SMC2: variants seen among roughly 807,000 people sequenced by gnomAD.
SMC2 encodes structural maintenance of chromosomes protein 2.
In SMC2, 41 loss-of-function variants were observed where a neutral mutation model predicts 142.6. The ratio of observed to expected loss-of-function variants is 0.29; its 90% CI spans 0.22 to 0.37. The LOEUF (loss-of-function observed/expected upper bound fraction) is 0.37, where lower values mean the gene tolerates loss of function less well. Ranked by LOEUF, SMC2 falls within the 10% of genes least tolerant of loss-of-function variation. The pLI is 1.00. For synonymous variants in SMC2, 463 were observed against 457.5 expected (o/e 1.01, Z -0.15); for missense variants, 1,265 against 1,373.7 (o/e 0.92, Z 1.25).
chr9:104,135,268 T>C lies in SMC2; in HGVS notation c.3269+693T>C, dbSNP rs141205446. Among the ~76,000 whole-genome samples, 23 of 151,432 alleles carry C rather than the reference T, an allele frequency of 1.5e-4. No individual in the cohort carries two copies. The East Asian group carries it at 4.3e-3, about 28-fold the overall frequency. ...GAAAACATGAACATAATGAGAGAAATAGAAGCTACTAAAAAGAATTAAGTG... is the reference window on the plus strand; with the variant it reads ...GAAAACATGAACATAATGAGAGAAACAGAAGCTACTAAAAAGAATTAAGTG... On this transcript the variant is annotated intron_variant, in intron 23 of 24. Transcript: ENST00000374793.
At chr9:104,105,923 G>T (rs1016607568) in intron 9 of SMC2, among the ~76,000 whole-genome samples, 1 of 152,170 alleles carries the variant, frequency 6.6e-6, no homozygotes, top group Non-Finnish European at 1.5e-5. Context: ...TGGAAAAAGT[G>T]TATTGACAGG....
chr9:104,102,622 G>T (rs1831293649), intron 9 of SMC2, 49 bp downstream of exon 9: 4 of 1,542,012 alleles, frequency 2.6e-6, no homozygotes, highest in Non-Finnish European at 3.5e-6. Context: ...CAAGTATATA[G>T]TCTCATTAGT....
chr9:104,118,527 A>C (rs1022074877), intron 15 of SMC2, 152 bp downstream of exon 15: 6 of 626,974 alleles, frequency 9.6e-6, no homozygotes, highest in African/African-American at 9.2e-5. Context: ...CTCCTGTCAA[A>C]AGTAAAACAA....
intron 7 of SMC2, among the ~76,000 whole-genome samples, chr9:104,100,919 C>T (rs1006312785): frequency 1.3e-5 from 2 of 152,124 alleles, no homozygotes; most frequent in African/African-American, 4.8e-5. Flanking sequence ...CACAATATGT[C>T]ATCAAAAAAT....
chr9:104,094,546 A>AT, intron 1 of SMC2, 69 bp downstream of exon 1: 1 of 151,472 alleles, frequency 6.6e-6, no homozygotes, highest in Non-Finnish European at 1.1e-5. Flanking sequence ...GGGAGGCGGG[A>AT]GGCGGGGCGC....
chr9:104,120,468 T>G (rs1179868509), intron 16 of SMC2, among the ~76,000 whole-genome samples: 1 of 152,212 alleles, frequency 6.6e-6, no homozygotes, highest in East Asian at 1.9e-4. Context: ...GGGAAACCCT[T>G]CGACACTCTG....
At chr9:104,122,097 A>G (rs1366740843) in intron 16 of SMC2, among the ~76,000 whole-genome samples, 1 of 152,220 alleles carries the variant, frequency 6.6e-6, no homozygotes, top group African/African-American at 2.4e-5. Flanking sequence ...TTCTGTGAGA[A>G]GAGTAGAACA....
intron 20 of SMC2, among the ~76,000 whole-genome samples, chr9:104,128,692 C>T (rs1351343298): frequency 6.6e-6 from 1 of 152,116 alleles, no homozygotes. Context: ...TGGATTCTGC[C>T]AGTGAGAATG....
At chr9:104,125,999 A>T (rs1208405359) in intron 18 of SMC2, among the ~76,000 whole-genome samples, 3 of 152,182 alleles carry the variant, frequency 2.0e-5, no homozygotes, top group Non-Finnish European at 4.4e-5. Flanking sequence ...CAGGCAAATG[A>T]GGATTACTGC....
At position 104,100,180 on chromosome 9, in the gene SMC2, G is replaced by A. The variant is rs753576647; in HGVS notation, c.568G>A (p.Ala190Thr). Residue 190 changes from alanine to threonine, a missense_variant, in exon 6 of 25, where the codon GCT (alanine) becomes ACT (threonine). Ala to Thr is a moderately conservative substitution (Grantham distance 58, BLOSUM62 0). Around this residue, in one of 4 missense-constraint regions of SMC2, gnomAD observed 898 missense variants for 904.2 expected, o/e 0.99. Coordinates refer to ENST00000374793, the MANE Select transcript of SMC2 (RefSeq NM_006444.3). ...ACAGAAAACTATAGAAAAAAAGGAG[G>A]CTAAGCTGAAAGAAATTAAGACGGT... ...AAQKTIEKKEAKLKEIKTILE... is the reference protein window; with the variant it reads ...AAQKTIEKKETKLKEIKTILE... The A allele has an allele frequency of 1.5e-5, 23 of 1,564,898 alleles. No homozygotes were observed. Among genetic ancestry groups the A allele is most frequent in the East Asian group, 2.3e-5 (1 of 44,174 alleles).
intron 12 of SMC2, among the ~76,000 whole-genome samples, 195 bp from the exon 13 acceptor site, chr9:104,114,496 G>T (rs538650373): frequency 6.6e-6 from 1 of 152,122 alleles, no homozygotes; most frequent in South Asian, 2.1e-4. Context: ...CATACTGAAA[G>T]ATCTATTGTG....
chr9:104,109,592 A>C (rs1832193951), intron 9 of SMC2, among the ~76,000 whole-genome samples: 1 of 152,214 alleles, frequency 6.6e-6, no homozygotes. Flanking sequence ...TTTCCGAATT[A>C]CGCGTATGCT....
rs1588020414 is a variant in SMC2 at position 104,140,118 on chromosome 9, T to C, written c.*803T>C. Reference sequence around the variant, plus strand: ...TATTTTCCAAGATTTTTGTCAGCCTTTTCATAATCCAGTCATTAACAACCT... The same window carrying C: ...TATTTTCCAAGATTTTTGTCAGCCTCTTCATAATCCAGTCATTAACAACCT... On this transcript the variant is annotated 3_prime_UTR_variant, in exon 25 of 25. Transcript: ENST00000374793. 1.3e-5 allele frequency: 2 copies of C among 152,222 alleles called. No individual in the cohort carries two copies. The highest frequency in any genetic ancestry group is 3.9e-4 in the East Asian group (2 of 5,188). 9.4% of individuals were successfully genotyped at this position (152,222 alleles called of 1,614,324 possible).
At chr9:104,135,918 G>A (rs766419465) in intron 23 of SMC2, 11 of 518,604 alleles carry the variant, frequency 2.1e-5, no homozygotes, top group Non-Finnish European at 4.2e-5. Context: ...TCAGGCAAAA[G>A]GAAAATGATA....
chr9:104,088,853 T>C, the SMC2 span, among the ~76,000 whole-genome samples: 2 of 152,226 alleles, frequency 1.3e-5, no homozygotes, highest in East Asian at 3.9e-4. Context: ...TCCCAGCACA[T>C]AACACAATTC....
chr9:104,132,779 AG>A (rs1835124496), intron 22 of SMC2, among the ~76,000 whole-genome samples: 1 of 151,794 alleles, frequency 6.6e-6, no homozygotes, highest in Admixed American at 6.6e-5. Context: ...TAAAAATGGA[AG>A]CAAAAGGCTG....
intron 23 of SMC2, 78 bp from the exon 24 acceptor site, chr9:104,137,940 A>G: frequency 1.9e-6 from 2 of 1,029,318 alleles, no homozygotes; most frequent in Admixed American, 5.1e-5. Flanking sequence ...TCACAATAAT[A>G]GGATCACATA....
In SMC2 at chr9:104,127,322, C is replaced by A; in HGVS notation, c.2632C>A (p.Gln878Lys). 1.9e-6 allele frequency: 3 copies of A among 1,595,200 alleles called. No individual in the cohort carries two copies. In the South Asian group the frequency reaches 3.4e-5, roughly 18 times the overall value. The stretch of plus-strand genomic sequence containing the variant: ...TAAAGCTCAAGAAGAGGTGACCAAG[C>A]AAAAAGAGGTGATAACAGCCCAAGA... ...VNKAQEEVTK[Q>K]KEVITAQDTV... Residue 878 changes from glutamine to lysine, a missense_variant, in exon 20 of 25, where the codon CAA becomes AAA. By Grantham distance (53) the Gln-to-Lys change is moderately conservative. Coordinates refer to ENST00000374793, the MANE Select transcript of SMC2 (RefSeq NM_006444.3).
chr9:104,093,495 G>A (rs1026900523), upstream of SMC2, among the ~76,000 whole-genome samples: 8 of 152,090 alleles, frequency 5.3e-5, no homozygotes. Context: ...GATTTCATAG[G>A]GTTGCTACGT....
Sources: gnomAD v4.1 joint callset for allele counts (sites outside exome capture counted in the v4.1 genomes callset) on GRCh38, gnomAD v4.1.1 for gene constraint, gnomAD v4.1.1 regional missense constraint, MANE v1.5 for transcripts, NCBI Gene and HGNC (gene_info 2026-07-23, HGNC 2026-07-21) for gene names.